TECPR2: variants seen among roughly 807,000 people sequenced by gnomAD.
The protein encoded by TECPR2 is tectonin beta-propeller repeat-containing protein 2.
A neutral mutation model predicts 138.1 loss-of-function variants in TECPR2; 65 were observed. The observed-to-expected ratio is 0.47, with a 90% confidence interval of 0.39 to 0.58. TECPR2 has a LOEUF of 0.58. Among genes scored for constraint, TECPR2 ranks in the 20% least tolerant of loss-of-function variants. The pLI is 0.00. For missense variants in TECPR2, 1,553 were observed against 1,824.5 expected, an observed-to-expected ratio of 0.85 and a Z score of 2.71; for synonymous variants, 746 against 749.8, an observed-to-expected ratio of 0.99 and a Z score of 0.08.
At chr14:102,431,599 C>A (rs987743539) in intron 7 of TECPR2, among the ~76,000 whole-genome samples, 197 bp from the exon 8 acceptor site, 74 of 152,302 alleles carry the variant, frequency 4.9e-4, no homozygotes, top group Non-Finnish European at 9.1e-4. Flanking sequence ...GCCTTGGCCT[C>A]CCAAAGTGCT....
At chr14:102,458,945 TAA>T (rs894474077) in intron 16 of TECPR2, among the ~76,000 whole-genome samples, 6 of 115,878 alleles carry the variant, frequency 5.2e-5, no homozygotes, top group Admixed American at 9.7e-5. Flanking sequence ...TCCTGTTTCT[TAA>T]AAAAAAAAAA....
chr14:102,426,363 T>G (rs1345505768), intron 6 of TECPR2, among the ~76,000 whole-genome samples: 1 of 152,190 alleles, frequency 6.6e-6, no homozygotes, highest in Non-Finnish European at 1.5e-5. Flanking sequence ...CAAAGCTGTT[T>G]AGTTTCAGTT....
Position 102,425,199 on chromosome 14 carries a change from A to G in TECPR2, c.859A>G (p.Arg287Gly). 6.2e-7 allele frequency: 1 copy of G among 1,614,142 alleles called. No individual in the cohort carries two copies. The highest frequency in any genetic ancestry group is 8.5e-7 in the Non-Finnish European group (1 of 1,180,012). ...CAGTGGAAGTTGCAGCTTACCTGAG[A>G]GGCACCTGGGGCTTGTTTCATGTTT... is the stretch of plus-strand genomic sequence containing the variant. ...PNSGSCSLPE[R>G]HLGLVSCFFQ... The change falls in exon 6 of 20, where the codon AGG (arginine) becomes GGG (glycine). Residue 287 changes from arginine to glycine, a missense_variant. Arg to Gly is a moderately radical substitution (Grantham distance 125). Coordinates refer to ENST00000359520, the MANE Select transcript of TECPR2 (RefSeq NM_014844.5).
At chr14:102,382,916 C>T (rs1887877622) in intron 2 of TECPR2, among the ~76,000 whole-genome samples, 1 of 152,038 alleles carries the variant, frequency 6.6e-6, no homozygotes, top group South Asian at 2.1e-4. Flanking sequence ...GCCACCACGC[C>T]CAGCTAATTT....
intron 13 of TECPR2, among the ~76,000 whole-genome samples, chr14:102,447,205 A>C (rs1055406623): frequency 1.3e-5 from 2 of 151,864 alleles, no homozygotes; most frequent in Non-Finnish European, 2.9e-5. Flanking sequence ...CCCACACTGG[A>C]GTGTGGTGGC....
chr14:102,434,211 T>C (rs780904866), intron 8 of TECPR2, 24 bp from the exon 9 acceptor site: 13 of 1,346,178 alleles, frequency 9.7e-6, no homozygotes, highest in Non-Finnish European at 1.2e-5. Context: ...GTGCCTTATT[T>C]TGAATGTTCT....
At chr14:102,373,356 A>C (rs1419073031) in intron 1 of TECPR2, among the ~76,000 whole-genome samples, 1 of 152,244 alleles carries the variant, frequency 6.6e-6, no homozygotes, top group Non-Finnish European at 1.5e-5. Context: ...TCCAGTAACC[A>C]TACAACCATT....
intron 18 of TECPR2, 47 bp downstream of exon 18, chr14:102,497,167 C>T: frequency 6.3e-7 from 1 of 1,589,948 alleles, no homozygotes; most frequent in Non-Finnish European, 8.5e-7. Context: ...GCCGGGGCTA[C>T]CATCACTGGG....
At chr14:102,485,901 A>G (rs1404030683) in intron 17 of TECPR2, among the ~76,000 whole-genome samples, 1 of 152,152 alleles carries the variant, frequency 6.6e-6, no homozygotes, top group East Asian at 1.9e-4. Flanking sequence ...TCACAGCAAT[A>G]TTTGAGTCCT....
At position 102,500,977 on chromosome 14, in the gene TECPR2, C is replaced by G. The variant is rs1304748442; in HGVS notation, c.*2720C>G. 9.2e-5 allele frequency: 14 copies of G among 152,276 alleles called. No homozygotes were observed. Among genetic ancestry groups the G allele is most frequent in the Admixed American group, 6.5e-5 (1 of 15,284 alleles). 9.4% of individuals were successfully genotyped at this position (152,276 alleles called of 1,614,324 possible). A position where few individuals can be genotyped will look rare whatever the true frequency, so the allele number is the denominator to read the frequency against. On this transcript the variant is annotated 3_prime_UTR_variant, in exon 20 of 20. Coordinates refer to ENST00000359520, the MANE Select transcript of TECPR2 (RefSeq NM_014844.5). Reference sequence around the variant, plus strand: ...AAGCCAGCTCTGTAGAACTGCAGACCTGTGCTGTTTGATGCCTCCTCACTG... The same window carrying G: ...AAGCCAGCTCTGTAGAACTGCAGACGTGTGCTGTTTGATGCCTCCTCACTG...
At chr14:102,488,591 G>T (rs1414655791) in intron 17 of TECPR2, among the ~76,000 whole-genome samples, 1 of 151,906 alleles carries the variant, frequency 6.6e-6, no homozygotes, top group Non-Finnish European at 1.5e-5. Context: ...TGGTCCGCCT[G>T]CCTCAGCCTC....
chr14:102,401,760 G>T (rs375486459), intron 2 of TECPR2, among the ~76,000 whole-genome samples: 27 of 120,356 alleles, frequency 2.2e-4, no homozygotes, highest in African/African-American at 8.7e-4. Context: ...AGCCGAGATC[G>T]CACCACTGTA....
chr14:102,394,464 TG>T (rs1166640521), intron 2 of TECPR2, among the ~76,000 whole-genome samples: 1 of 152,050 alleles, frequency 6.6e-6, no homozygotes, highest in Non-Finnish European at 1.5e-5. Context: ...TAGCTGGGTG[TG>T]GTGGCACACA....
In TECPR2 at chr14:102,496,950, C is replaced by G. The variant is rs749874496; in HGVS notation, c.3790-29C>G. The G allele has an allele frequency of 1.9e-6, 3 of 1,610,230 alleles. No individual in the cohort carries two copies. The Admixed American group carries it at 5.0e-5, about 27-fold the overall frequency. The stretch of plus-strand genomic sequence containing the variant: ...CTTTCTCTTGTCACCCAACTCCTGC[C>G]TTCCCTGAAAGTCCCTTCCCGCTTC... On this transcript the variant is annotated intron_variant, in intron 17 of 19. Transcript: ENST00000359520.
At chr14:102,458,375 G>A (rs931887386) in intron 16 of TECPR2, among the ~76,000 whole-genome samples, 29 of 152,132 alleles carry the variant, frequency 1.9e-4, no homozygotes, top group Admixed American at 5.9e-4. Context: ...CTCCCACCAC[G>A]GCTACCAGAG....
At chr14:102,408,649 T>C in intron 4 of TECPR2, 30 bp downstream of exon 4, 2 of 1,569,480 alleles carry the variant, frequency 1.3e-6, no homozygotes, top group Non-Finnish European at 1.7e-6. Flanking sequence ...TACTGTTGGC[T>C]CTTACCTTCT....
intron 17 of TECPR2, among the ~76,000 whole-genome samples, chr14:102,472,577 A>T (rs563071857): frequency 3.9e-5 from 6 of 152,350 alleles, no homozygotes; most frequent in Non-Finnish European, 7.3e-5. Context: ...TATGGAAGAC[A>T]TTCAGTTTGC....
At chr14:102,375,309 G>A (rs777018172) in intron 1 of TECPR2, among the ~76,000 whole-genome samples, 8 of 152,152 alleles carry the variant, frequency 5.3e-5, no homozygotes, top group Admixed American at 6.6e-5. Flanking sequence ...TCTTGCTACT[G>A]CTTTCCAGCC....
At position 102,438,009 on chromosome 14, in the gene TECPR2, C is replaced by T. The variant is rs755777893; in HGVS notation, c.2395-13C>T. The T allele has an allele frequency of 1.2e-6, 2 of 1,612,178 alleles. No homozygotes were observed. The highest frequency in any genetic ancestry group is 1.1e-5 in the South Asian group (1 of 90,898). ...TCCTCTGCCACAGAACTCACTGGCT[C>T]TTCCCTTGTTAGTTTGCAGAAAGCT... On this transcript the variant is annotated splice_polypyrimidine_tract_variant and intron_variant, in intron 9 of 19. Coordinates refer to ENST00000359520, the MANE Select transcript of TECPR2 (RefSeq NM_014844.5).
Sources: allele counts gnomAD v4.1 joint callset (sites outside exome capture counted in the v4.1 genomes callset), GRCh38; gene constraint gnomAD v4.1.1; transcripts MANE v1.5; gene names NCBI Gene and HGNC (gene_info 2026-07-23, HGNC 2026-07-21).